The following THSD4 variants were observed in gnomAD, a reference collection of about 807,000 sequenced individuals.
The protein encoded by THSD4 is thrombospondin type-1 domain-containing protein 4.
THSD4 carries 69 observed loss-of-function variants against 119.0 expected under a neutral mutation model. The ratio of observed to expected loss-of-function variants is 0.58; its 90% confidence interval spans 0.48 to 0.71. The LOEUF is 0.71. Among genes scored for constraint, THSD4 ranks in the 30% least tolerant of loss-of-function variants. THSD4 has a pLI of 0.00. For synonymous variants in THSD4, 524 were observed against 540.4 expected (o/e 0.97, Z 0.42); for missense variants, 1,393 against 1,391.1 (o/e 1.00, Z -0.02).
intron 7 of THSD4, among the ~76,000 whole-genome samples, chr15:71,534,664 T>C (rs1027149823): frequency 2.2e-4 from 33 of 151,976 alleles, no homozygotes; most frequent in African/African-American, 2.4e-5. Flanking sequence ...TGGCATTTTA[T>C]GGCCTACTTT....
At chr15:71,606,648 C>A (rs559628128) in intron 7 of THSD4, among the ~76,000 whole-genome samples, 1 of 152,326 alleles carries the variant, frequency 6.6e-6, no homozygotes, top group African/African-American at 2.4e-5. Flanking sequence ...TCAAGCAATT[C>A]TCCTGCCTCA....
intron 7 of THSD4, among the ~76,000 whole-genome samples, chr15:71,568,902 A>G (rs1195727051): frequency 6.6e-6 from 1 of 152,206 alleles, no homozygotes; most frequent in Non-Finnish European, 1.5e-5. Context: ...AACAATCTTT[A>G]AAATGTTTCC....
chr15:71,600,898 C>A (rs1208355180), intron 7 of THSD4, among the ~76,000 whole-genome samples: 2 of 152,056 alleles, frequency 1.3e-5, no homozygotes, highest in African/African-American at 4.8e-5. Flanking sequence ...AGGCACTCAC[C>A]ACCATGCCTG....
At chr15:71,764,744 TTCCCTC>T (rs1232433667) in intron 15 of THSD4, among the ~76,000 whole-genome samples, 3 of 151,560 alleles carry the variant, frequency 2.0e-5, no homozygotes, top group Non-Finnish European at 2.9e-5. Flanking sequence ...GGTAAACTGT[TTCCCTC>T]TCAGCACAGA....
At chr15:71,305,043 C>T (rs2045005443) in intron 6 of THSD4, among the ~76,000 whole-genome samples, 1 of 152,192 alleles carries the variant, frequency 6.6e-6, no homozygotes, top group Non-Finnish European at 1.5e-5. Context: ...ATTCTTTTCA[C>T]CTCTTTCCCT....
chr15:71,484,511 G>A (rs151270012), intron 7 of THSD4, among the ~76,000 whole-genome samples: 3 of 152,312 alleles, frequency 2.0e-5, no homozygotes, highest in East Asian at 3.9e-4. Flanking sequence ...GGCAGAGCTC[G>A]AATCAGCTGT....
At chr15:71,610,563 G>A (rs1420668494) in intron 7 of THSD4, among the ~76,000 whole-genome samples, 1 of 152,176 alleles carries the variant, frequency 6.6e-6, no homozygotes, top group Non-Finnish European at 1.5e-5. Context: ...ACAGGGACAG[G>A]TTCTACTTAG....
intron 6 of THSD4, among the ~76,000 whole-genome samples, chr15:71,319,931 G>A (rs1203376890): frequency 1.3e-5 from 2 of 152,176 alleles, no homozygotes; most frequent in African/African-American, 4.8e-5. Context: ...TTACTGTACT[G>A]ACATGAATTA....
At chr15:71,192,116 C>T (rs375948933) in intron 3 of THSD4, among the ~76,000 whole-genome samples, 1 of 151,906 alleles carries the variant, frequency 6.6e-6, no homozygotes. Flanking sequence ...GTTGGACAGG[C>T]TAGTCTTGAA....
At chr15:71,695,502 A>ATGTGTG (rs3086738) in intron 8 of THSD4, among the ~76,000 whole-genome samples, 1,487 of 144,096 alleles carry the variant, frequency 0.01, 19 homozygotes, top group African/African-American at 0.03. Context: ...GTGTGTGTGC[A>ATGTGTG]TGTGTGTGTG....
chr15:71,379,772 T>C (rs1216165951), intron 6 of THSD4, among the ~76,000 whole-genome samples: 1 of 152,064 alleles, frequency 6.6e-6, no homozygotes, highest in Non-Finnish European at 1.5e-5. Context: ...ATGGCTTCTT[T>C]ACACATGTAT....
intron 7 of THSD4, among the ~76,000 whole-genome samples, chr15:71,604,700 T>C (rs746713497): frequency 7.2e-5 from 11 of 152,186 alleles, no homozygotes; most frequent in Non-Finnish European, 1.3e-4. Flanking sequence ...GGCTAGGAAA[T>C]GTATATGTAT....
At chr15:71,595,597 A>G (rs2049893615) in intron 7 of THSD4, among the ~76,000 whole-genome samples, 1 of 99,882 alleles carries the variant, frequency 1.0e-5, no homozygotes, top group Non-Finnish European at 2.0e-5. Context: ...GAACTAATAC[A>G]CAAGCCATAT....
At chr15:71,118,189 T>C (rs2040379419) in intron 1 of THSD4, among the ~76,000 whole-genome samples, 1 of 152,032 alleles carries the variant, frequency 6.6e-6, no homozygotes, top group African/African-American at 2.4e-5. Flanking sequence ...CACGGTTGAA[T>C]CCAGGTTACT....
At chr15:71,204,989 T>C (rs1371699593) in intron 3 of THSD4, among the ~76,000 whole-genome samples, 1 of 152,144 alleles carries the variant, frequency 6.6e-6, no homozygotes, top group Non-Finnish European at 1.5e-5. Flanking sequence ...AGCCCTTTTC[T>C]TTTTGAGTAG....
At chr15:71,151,344 A>G in intron 2 of THSD4, among the ~76,000 whole-genome samples, 1 of 151,710 alleles carries the variant, frequency 6.6e-6, no homozygotes, top group East Asian at 1.9e-4. Context: ...AAGAGCTTTG[A>G]GGCACTGAGG....
At chr15:71,442,579 A>AAAAAAAATATATATATAT (rs1195413080) in intron 7 of THSD4, among the ~76,000 whole-genome samples, 1 of 39,864 alleles carries the variant, frequency 2.5e-5, no homozygotes, top group African/African-American at 7.3e-5. Flanking sequence ...AAAAAAAAAA[A>AAAAAAAATATATATATAT]ATATATATAT....
rs144736427 is a variant in THSD4 at position 71,724,266 on chromosome 15, G to GATATATATATATATATATAT, written c.1358-4280_1358-4261dup. Among the ~76,000 whole-genome samples the GATATATATATATATATATAT allele has an allele frequency of 2.5e-4, 19 of 74,594 alleles. 2 individuals carry two copies. The highest frequency in any genetic ancestry group is 8.8e-4 in the East Asian group (1 of 1,140). The allele number at this position is 74,594 out of a possible 152,430, so 48.9% of individuals were successfully genotyped here. ...CTGGGGGAGGAGGCCTCTATGATGG[G>GATATATATATATATATATAT]ATATATATATATATATATATATTTT... On this transcript the variant is annotated intron_variant, in intron 8 of 17. Transcript: ENST00000261862.
intron 7 of THSD4, among the ~76,000 whole-genome samples, chr15:71,470,022 A>G (rs745764393): frequency 6.6e-6 from 1 of 152,250 alleles, no homozygotes; most frequent in Non-Finnish European, 1.5e-5. Flanking sequence ...GGAGGTAGAG[A>G]TGAAGGCAGA....
Sources: gnomAD v4.1 joint callset for allele counts (sites outside exome capture counted in the v4.1 genomes callset) on GRCh38, gnomAD v4.1.1 for gene constraint, MANE v1.5 for transcripts, NCBI Gene and HGNC (gene_info 2026-07-23, HGNC 2026-07-21) for gene names.